Variants in TMEM232 observed in about 807,000 individuals in gnomAD.
TMEM232 encodes the protein transmembrane protein 232.
Under a neutral mutation model 78.8 loss-of-function variants are expected in TMEM232, and 80 were observed. That is an observed-to-expected ratio of 1.01 (90% CI 0.85 to 1.22). The LOEUF (loss-of-function observed/expected upper bound fraction) is 1.22. Ranked by LOEUF, TMEM232 falls within the 50% of genes most tolerant of loss-of-function variation. TMEM232 has a pLI of 0.00. For synonymous variants in TMEM232, 297 were observed against 254.3 expected (o/e 1.17, Z -1.60); for missense variants, 881 against 742.2 (o/e 1.19, Z -2.17).
At chr5:110,399,353 T>C (rs776712295) in intron 2 of TMEM232, among the ~76,000 whole-genome samples, 2 of 152,122 alleles carry the variant, frequency 1.3e-5, no homozygotes, top group Admixed American at 6.6e-5. Flanking sequence ...TCCTCCTATT[T>C]GTTAACTCTC....
intron 13 of TMEM232, among the ~76,000 whole-genome samples, chr5:110,422,696 T>TG (rs1756799559): frequency 1.3e-5 from 2 of 152,116 alleles, no homozygotes; most frequent in South Asian, 4.1e-4. Context: ...AGACAGCTCT[T>TG]CCCTCTTTCC....
intron 2 of TMEM232, among the ~76,000 whole-genome samples, chr5:110,643,403 T>C (rs745732304): frequency 1.3e-5 from 2 of 151,992 alleles, no homozygotes; most frequent in Non-Finnish European, 2.9e-5. Flanking sequence ...TAAAGTCTTA[T>C]GAATTAAATG....
chr5:110,495,470 T>C (rs1580928998), intron 12 of TMEM232, among the ~76,000 whole-genome samples: 3 of 152,128 alleles, frequency 2.0e-5, no homozygotes, highest in Non-Finnish European at 4.4e-5. Context: ...AGAGACGATC[T>C]GTCTTGGTTG....
chr5:110,585,910 T>C (rs1778762573), intron 10 of TMEM232, among the ~76,000 whole-genome samples: 1 of 152,136 alleles, frequency 6.6e-6, no homozygotes, highest in African/African-American at 2.4e-5. Context: ...AACCTAGGGA[T>C]TTAACAAACT....
At chr5:110,694,254 TGA>T (rs1794495191) in intron 1 of TMEM232, among the ~76,000 whole-genome samples, 2 of 152,116 alleles carry the variant, frequency 1.3e-5, no homozygotes, top group South Asian at 2.1e-4. Context: ...AAGCAAATGC[TGA>T]GAGATTCTGT....
chr5:110,455,917 C>CTCTT (rs1046682833), intron 12 of TMEM232, among the ~76,000 whole-genome samples: 5 of 152,066 alleles, frequency 3.3e-5, no homozygotes, highest in African/African-American at 1.2e-4. Context: ...ATAATAAAAA[C>CTCTT]TCTTTGAAAA....
intron 1 of TMEM232, among the ~76,000 whole-genome samples, chr5:110,703,587 G>A (rs577912711): frequency 6.6e-6 from 1 of 152,042 alleles, no homozygotes; most frequent in African/African-American, 2.4e-5. Flanking sequence ...TTATAAATAC[G>A]TATTAGTTAA....
intron 11 of TMEM232, among the ~76,000 whole-genome samples, chr5:110,545,100 T>C (rs532759646): frequency 2.0e-5 from 3 of 152,276 alleles, no homozygotes; most frequent in Admixed American, 2.0e-4. Context: ...GCATATATTT[T>C]ATAGTACAGT....
At chr5:110,514,362 C>T (rs1388617919) in intron 12 of TMEM232, among the ~76,000 whole-genome samples, 1 of 150,688 alleles carries the variant, frequency 6.6e-6, no homozygotes, top group Non-Finnish European at 1.5e-5. Flanking sequence ...AAATGTAAAC[C>T]TTCCACTTAT....
intron 12 of TMEM232, among the ~76,000 whole-genome samples, chr5:110,483,246 AT>A (rs1048762777): frequency 6.6e-6 from 1 of 152,100 alleles, no homozygotes; most frequent in Non-Finnish European, 1.5e-5. Flanking sequence ...ATAAGAACTA[AT>A]TTTTTATAAG....
intron 13 of TMEM232, among the ~76,000 whole-genome samples, chr5:110,421,017 G>C (rs182429348): frequency 6.6e-6 from 1 of 151,570 alleles, no homozygotes; most frequent in East Asian, 1.9e-4. Flanking sequence ...TATAGGTTTT[G>C]TATTTCCATA....
intron 12 of TMEM232, among the ~76,000 whole-genome samples, chr5:110,496,061 G>T (rs1263424979): frequency 6.6e-6 from 1 of 151,618 alleles, no homozygotes; most frequent in Non-Finnish European, 1.5e-5. Flanking sequence ...TGGGAAAATT[G>T]CATTCAAATC....
chr5:110,576,603 C>T (rs1300470854), intron 10 of TMEM232, among the ~76,000 whole-genome samples: 2 of 152,000 alleles, frequency 1.3e-5, no homozygotes, highest in Admixed American at 1.3e-4. Flanking sequence ...AAGAACAAAG[C>T]TGGAGGCATT....
intron 12 of TMEM232, among the ~76,000 whole-genome samples, chr5:110,435,426 G>A (rs311729): frequency 0.21 from 31,982 of 151,456 alleles, 7,129 homozygotes; most frequent in African/African-American, 0.55. Flanking sequence ...TAATAATTAC[G>A]TCATGGAAAA....
At chr5:110,640,761 A>G (rs1015574585) in intron 4 of TMEM232, 130 bp downstream of exon 4, 1 of 469,074 alleles carries the variant, frequency 2.1e-6, no homozygotes, top group African/African-American at 2.0e-5. Flanking sequence ...TCATAATAAA[A>G]TGTATTTTGA....
At chr5:110,607,438 C>G (rs116105427) in intron 8 of TMEM232, among the ~76,000 whole-genome samples, 6,162 of 151,930 alleles carry the variant, frequency 0.041, 189 homozygotes, top group Non-Finnish European at 0.057. Context: ...CTACCTAATA[C>G]TATTTGTCTC....
chr5:110,673,635 G>C (rs1032060776), intron 1 of TMEM232, among the ~76,000 whole-genome samples: 4 of 152,134 alleles, frequency 2.6e-5, no homozygotes, highest in African/African-American at 9.7e-5. Flanking sequence ...CCTGTGTGGG[G>C]ATTATGAGGT....
intron 12 of TMEM232, among the ~76,000 whole-genome samples, chr5:110,443,774 C>T (rs959693923): frequency 6.6e-6 from 1 of 152,136 alleles, no homozygotes; most frequent in Non-Finnish European, 1.5e-5. Context: ...TTATTCAGGC[C>T]CCAATGGCTC....
At chr5:110,432,377 C>T (rs1757953381) in intron 12 of TMEM232, among the ~76,000 whole-genome samples, 1 of 151,602 alleles carries the variant, frequency 6.6e-6, no homozygotes, top group Admixed American at 6.6e-5. Flanking sequence ...TCAAATCCTG[C>T]CAAACCGAGC....
Sources: allele counts gnomAD v4.1 joint callset (sites outside exome capture counted in the v4.1 genomes callset), GRCh38; gene constraint gnomAD v4.1.1; transcripts MANE v1.5; gene names NCBI Gene and HGNC (gene_info 2026-07-23, HGNC 2026-07-21).